ZDHHC1: variants seen among roughly 807,000 people sequenced by gnomAD.
ZDHHC1 encodes palmitoyltransferase ZDHHC1.
A neutral mutation model predicts 46.9 loss-of-function variants in ZDHHC1; 45 were observed. That is an observed-to-expected ratio of 0.96 (90% CI 0.76 to 1.23). The LOEUF is 1.23. Among genes scored for constraint, ZDHHC1 ranks in the 50% most tolerant of loss-of-function variants. The pLI is 0.00. For synonymous variants in ZDHHC1, 291 were observed against 286.0 expected, an observed-to-expected ratio of 1.02 and a Z score of -0.18; for missense variants, 649 against 670.8, an observed-to-expected ratio of 0.97 and a Z score of 0.36.
intron 1 of ZDHHC1, among the ~76,000 whole-genome samples, chr16:67,415,437 T>G (rs1567525144): frequency 6.6e-6 from 1 of 151,354 alleles, no homozygotes; most frequent in Non-Finnish European, 1.5e-5. Flanking sequence ...CCAGCCTGGG[T>G]GACAAAGGGA....
At chr16:67,395,348 GAGA>G in intron 9 of ZDHHC1, 68 bp from the exon 10 acceptor site, 1 of 1,497,022 alleles carries the variant, frequency 6.7e-7, no homozygotes, top group Non-Finnish European at 8.9e-7. Flanking sequence ...GAGGTGCTGA[GAGA>G]AGCTTCCCTT....
rs1331475424 is a variant in ZDHHC1, at chr16:67,406,274, G to C, written c.178C>G (p.Leu60Val). The C allele has an allele frequency of 6.2e-7, 1 of 1,611,480 alleles. No homozygotes were observed. The highest frequency in any genetic ancestry group is 1.3e-5 in the African/African-American group (1 of 74,924). Reference protein sequence around the residue: ...PLQIVAWLLYLFFAVIGFGIL... With the variant: ...PLQIVAWLLYVFFAVIGFGIL... Reference sequence around the variant, plus strand: ...CCAAAGCCGATCACAGCAAAGAAGAGGTACAGCAGCCAGGCCACAATCTGG... The same window carrying C: ...CCAAAGCCGATCACAGCAAAGAAGACGTACAGCAGCCAGGCCACAATCTGG... Residue 60 changes from leucine (L) to valine (V), a missense_variant, in exon 3 of 12, where the codon CTC (leucine) becomes GTC (valine). By Grantham distance (32) the Leu-to-Val change is conservative. Coordinates refer to ENST00000565726, the MANE Select transcript of ZDHHC1 (RefSeq NM_001323627.2). The surrounding 1 kb of genome is among the most constrained non-coding windows in gnomAD (Gnocchi z 4.1).
chr16:67,406,429 T>C lies in ZDHHC1; in HGVS notation c.23A>G (p.Asn8Ser), dbSNP rs1382477767. The part of the protein sequence containing the change: MYKMNIC[N>S]KPSNKTAPEK... ...AGGGGCCGTCTTGTTGGAGGGCTTG[T>C]TGCAGATGTTCATCTCCAGAGGGAG... Residue 8 changes from asparagine (N) to serine (S), a missense_variant, in exon 3 of 12, where the codon AAC becomes AGC. Asn to Ser is a conservative substitution (Grantham distance 46, BLOSUM62 1). Coordinates refer to ENST00000565726, the MANE Select transcript of ZDHHC1 (RefSeq NM_001323627.2). The surrounding 1 kb of genome is among the most constrained non-coding windows in gnomAD (Gnocchi z 4.1). 1 of 1,543,082 alleles carries C rather than the reference T, an allele frequency of 6.5e-7. No homozygotes were observed. The highest frequency in any genetic ancestry group is 1.2e-5 in the South Asian group (1 of 81,486).
At chr16:67,412,578 CTG>C (rs1437245232) in intron 1 of ZDHHC1, among the ~76,000 whole-genome samples, 2 of 152,212 alleles carry the variant, frequency 1.3e-5, no homozygotes, top group Non-Finnish European at 1.5e-5. Context: ...TTCCTATGAA[CTG>C]TTAGGGATCT....
intron 2 of ZDHHC1, among the ~76,000 whole-genome samples, chr16:67,407,191 T>TC (rs2040677200): frequency 6.6e-6 from 1 of 152,114 alleles, no homozygotes; most frequent in Non-Finnish European, 1.5e-5. Context: ...AACCACCCCC[T>TC]CCACCCGCCA....
At chr16:67,400,038 G>A (rs1372899343) in intron 4 of ZDHHC1, among the ~76,000 whole-genome samples, 2 of 152,238 alleles carry the variant, frequency 1.3e-5, no homozygotes, top group Non-Finnish European at 2.9e-5. Context: ...CCAGCCCAGG[G>A]AGGCACCGGG....
chr16:67,395,223 T>G lies in ZDHHC1; in HGVS notation c.1068A>C (p.Pro356=). 1 of 1,608,172 alleles carries G rather than the reference T, an allele frequency of 6.2e-7. No homozygotes were observed. Among genetic ancestry groups the G allele is most frequent in the South Asian group, 1.1e-5 (1 of 90,204 alleles). ...GQAEPPPPSS[P]DTLALPPRIR... is the part of the protein sequence containing the mutation. ...TCCGGGGAGGCAGGGCGAGAGTGTC[T>G]GGGGAAGAGGGTGGTGGAGGTTCCG... The change falls in exon 10 of 12, where the codon CCA becomes CCC. Residue 356 remains proline (P), a synonymous_variant. Transcript: ENST00000565726.
intron 8 of ZDHHC1, chr16:67,395,928 A>C: frequency 4.1e-6 from 1 of 244,498 alleles, no homozygotes; most frequent in Non-Finnish European, 8.0e-6. Context: ...CTCTGAACCA[A>C]TTGTTTTCCC....
At position 67,395,550 on chromosome 16, in the gene ZDHHC1, A is replaced by T. The variant is rs1464118013; in HGVS notation, c.944T>A (p.Met315Lys). Residue 315 changes from methionine to lysine, a missense_variant, in exon 9 of 12, where the codon ATG becomes AAG. Coordinates refer to ENST00000565726, the MANE Select transcript of ZDHHC1 (RefSeq NM_001323627.2). Reference protein sequence around the residue: ...MRPIQEMEFYMRTFRHMRPEP... With the variant: ...MRPIQEMEFYKRTFRHMRPEP... Reference sequence around the variant, plus strand: ...TGGGCGCATATGTCTGAAGGTCCGCATGTAGAACTCCATCTCCTGGGGAAG... The same window carrying T: ...TGGGCGCATATGTCTGAAGGTCCGCTTGTAGAACTCCATCTCCTGGGGAAG... 6.4e-7 allele frequency: 1 copy of T among 1,554,024 alleles called. No homozygotes were observed. Among genetic ancestry groups the T allele is most frequent in the East Asian group, 2.4e-5 (1 of 41,402 alleles).
At position 67,399,343 on chromosome 16, in the gene ZDHHC1, G is replaced by T. The variant is rs115135144; in HGVS notation, c.530+12C>A. Reference sequence around the variant, plus strand: ...GCATCCCCAGGCCCGCGTGCGGCCGGGCTGTCCTCACCGGTAGTTCCGCTC... The same window carrying T: ...GCATCCCCAGGCCCGCGTGCGGCCGTGCTGTCCTCACCGGTAGTTCCGCTC... On this transcript the variant is annotated intron_variant, in intron 5 of 11. Transcript: ENST00000565726. The T allele has an allele frequency of 0.026, 42,381 of 1,609,202 alleles. 885 individuals carry two copies. Among genetic ancestry groups the T allele is most frequent in the South Asian group, 0.065 (5,852 of 90,706 alleles).
intron 1 of ZDHHC1, among the ~76,000 whole-genome samples, chr16:67,412,537 G>A (rs923208506): frequency 4.6e-5 from 7 of 152,132 alleles, no homozygotes; most frequent in Non-Finnish European, 1.0e-4. Flanking sequence ...AAGACGCTTG[G>A]CTGCAGAGCT....
chr16:67,412,787 TTCTTC>T (rs1178972977), intron 1 of ZDHHC1, among the ~76,000 whole-genome samples: 3 of 152,096 alleles, frequency 2.0e-5, no homozygotes, highest in Admixed American at 1.3e-4. Flanking sequence ...GTGAGAGATT[TTCTTC>T]TCTTTTCTTT....
At chr16:67,402,832 G>A (rs2040579614) in intron 3 of ZDHHC1, among the ~76,000 whole-genome samples, 1 of 152,166 alleles carries the variant, frequency 6.6e-6, no homozygotes, top group Non-Finnish European at 1.5e-5. Flanking sequence ...TCGCCATGTT[G>A]GCCAAGGCTA....
chr16:67,410,657 AT>A (rs1458966901), intron 1 of ZDHHC1, among the ~76,000 whole-genome samples: 1 of 149,080 alleles, frequency 6.7e-6, no homozygotes, highest in Non-Finnish European at 1.5e-5. Flanking sequence ...TATTATTATT[AT>A]TATTATTATT....
rs573980758 is a variant in ZDHHC1 at position 67,415,681 on chromosome 16, C to CAGA, written c.-39+489_-39+490insTCT. 5.7e-3 allele frequency among the ~76,000 whole-genome samples: 870 copies of CAGA among 152,122 alleles called. 24 individuals carry two copies. Among genetic ancestry groups the CAGA allele is most frequent in the Admixed American group, 0.045 (683 of 15,284 alleles). ...CTGAGGCAGCAGAATGGCTTGAACC[C>CAGA]GGGAGGCGGAGGTTGCAATGACCCG... On this transcript the variant is annotated intron_variant, in intron 1 of 11. Coordinates refer to ENST00000565726, the MANE Select transcript of ZDHHC1 (RefSeq NM_001323627.2).
chr16:67,397,353 CACTGGGGCAGGTAT>C, intron 8 of ZDHHC1, among the ~76,000 whole-genome samples: 1 of 152,322 alleles, frequency 6.6e-6, no homozygotes, highest in South Asian at 2.1e-4. Flanking sequence ...CAGAGCCCAG[CACTGGGGCAGGTAT>C]ACGGTGGTGT....
At chr16:67,403,909 C>T (rs771716601) in intron 3 of ZDHHC1, among the ~76,000 whole-genome samples, 1 of 152,190 alleles carries the variant, frequency 6.6e-6, no homozygotes, top group African/African-American at 2.4e-5. Context: ...CCATCGCGCC[C>T]GGCCTTGAGC....
In ZDHHC1 at chr16:67,398,831, C is replaced by T. The variant is rs750884254; in HGVS notation, c.644G>A (p.Arg215Gln). ...FVNPMRLRTN[R>Q]HFEVLKNHTD... The stretch of plus-strand genomic sequence containing the variant: ...GAGCCTAAACTGACCTTCAAAGTGT[C>T]GGTTGGTGCGCAGACGCATGGGGTT... Residue 215 changes from arginine (R) to glutamine (Q), a missense_variant, in exon 6 of 12, where the codon CGA becomes CAA. By Grantham distance (43) the Arg-to-Gln change is conservative. Coordinates refer to ENST00000565726, the MANE Select transcript of ZDHHC1 (RefSeq NM_001323627.2). 4 of 1,612,580 alleles carry T rather than the reference C, an allele frequency of 2.5e-6. No homozygotes were observed. The highest frequency in any genetic ancestry group is 1.7e-5 in the Admixed American group (1 of 59,716).
rs1443558265 is a variant in ZDHHC1 at position 67,401,283 on chromosome 16, C to T, written c.253-151G>A. ...TCCTACCTCCAGTCCCCCAAAGCCT[C>T]CTCATCAGACCTCTCCAGGTAACCC... is the stretch of plus-strand genomic sequence containing the variant. On this transcript the variant is annotated intron_variant, in intron 3 of 11. Transcript: ENST00000565726. The surrounding 1 kb of genome is among the most constrained non-coding windows in gnomAD (Gnocchi z 4.6). 9.7e-7 allele frequency: 1 copy of T among 1,035,224 alleles called. No homozygotes were observed. The highest frequency in any genetic ancestry group is 1.4e-6 in the Non-Finnish European group (1 of 730,258). 64.1% of individuals were successfully genotyped at this position (1,035,224 alleles called of 1,614,324 possible). A position where few individuals can be genotyped will look rare whatever the true frequency, so the allele number is the denominator to read the frequency against.
Sources: gnomAD v4.1 joint callset for allele counts (sites outside exome capture counted in the v4.1 genomes callset) on GRCh38, gnomAD v4.1.1 for gene constraint, Gnocchi (gnomAD v3.1) non-coding constraint, MANE v1.5 for transcripts, NCBI Gene and HGNC (gene_info 2026-07-23, HGNC 2026-07-21) for gene names.